The following BCAR1 variants were observed in gnomAD, a reference collection of about 807,000 sequenced individuals.
BCAR1 encodes BCAR1 scaffold protein, Cas family member.
In BCAR1, 30 loss-of-function variants were observed where a neutral mutation model predicts 67.6. That is an observed-to-expected ratio of 0.44 (90% confidence interval 0.33 to 0.60). BCAR1 has a LOEUF of 0.60. Ranked by LOEUF, BCAR1 falls within the 20% of genes least tolerant of loss-of-function variation. The pLI is 0.02. For missense variants in BCAR1, 1,313 were observed against 1,222.3 expected (o/e 1.07, Z -1.11); for synonymous variants, 626 against 556.7 (o/e 1.12, Z -1.75).
At chr16:75,232,183 C>T (rs888359743) in intron 6 of BCAR1, among the ~76,000 whole-genome samples, 1 of 148,330 alleles carries the variant, frequency 6.7e-6, no homozygotes, top group Non-Finnish European at 1.5e-5. Flanking sequence ...TTTTTTGAGA[C>T]GGAATCTCAC....
In BCAR1 at chr16:75,235,161, C is replaced by G; in HGVS notation, c.1738G>C (p.Val580Leu). 1 of 1,608,740 alleles carries G rather than the reference C, an allele frequency of 6.2e-7. No individual in the cohort carries two copies. Among genetic ancestry groups the G allele is most frequent in the Non-Finnish European group, 8.5e-7 (1 of 1,179,870 alleles). ...TCGGGCACAGCCCGCGAGCAGGCCA[C>G]CAGCCGGTCCAGGTCCTCAAGGGTG... ...GATLEDLDRL[V>L]ACSRAVPEDA... The change falls in exon 5 of 7, where the codon GTG (valine) becomes CTG (leucine). Residue 580 changes from valine (V) to leucine (L), a missense_variant. Coordinates refer to ENST00000162330, the MANE Select transcript of BCAR1 (RefSeq NM_014567.5).
At chr16:75,265,635 G>A (rs2077991898) in intron 1 of BCAR1, among the ~76,000 whole-genome samples, 1 of 152,036 alleles carries the variant, frequency 6.6e-6, no homozygotes, top group South Asian at 2.1e-4. Flanking sequence ...AGGATGGAAA[G>A]GCGGGGGCAG....
At chr16:75,264,264 A>T in intron 1 of BCAR1, 1 of 1,366,380 alleles carries the variant, frequency 7.3e-7, no homozygotes, top group Non-Finnish European at 9.5e-7. Flanking sequence ...AACCAAACCA[A>T]ATCAAACGGG....
At chr16:75,266,891 T>A in intron 1 of BCAR1, 1 of 861,230 alleles carries the variant, frequency 1.2e-6, no homozygotes, top group Non-Finnish European at 1.6e-6. Context: ...CAGCCCGGGC[T>A]CATGGCGGGG....
At chr16:75,239,892 C>A (rs778074383) in intron 2 of BCAR1, among the ~76,000 whole-genome samples, 1 of 152,198 alleles carries the variant, frequency 6.6e-6, no homozygotes, top group Admixed American at 6.5e-5. Context: ...ACCACGTGCA[C>A]GCCTGACCTC....
At chr16:75,238,497 G>A in intron 2 of BCAR1, 1 of 997,652 alleles carries the variant, frequency 1.0e-6, no homozygotes, top group Non-Finnish European at 1.2e-6. Flanking sequence ...ATGCAGGCAG[G>A]CAGCCAGCCC....
intron 1 of BCAR1, chr16:75,263,104 C>T: frequency 1.4e-6 from 1 of 721,930 alleles, no homozygotes; most frequent in Non-Finnish European, 1.7e-6. Flanking sequence ...GCCCAGCACA[C>T]AGGGCGGCAT....
intron 6 of BCAR1, among the ~76,000 whole-genome samples, chr16:75,231,407 T>G (rs889249750): frequency 6.6e-6 from 1 of 152,192 alleles, no homozygotes; most frequent in African/African-American, 2.4e-5. Context: ...TGACAACTCT[T>G]CATAGTTATA....
In BCAR1 at chr16:75,267,845, C is replaced by T. The variant is rs978725451; in HGVS notation, c.66+70G>A. 11 of 1,512,958 alleles carry T rather than the reference C, an allele frequency of 7.3e-6. No individual in the cohort carries two copies. The African/African-American group carries it at 1.1e-4, about 15-fold the overall frequency. The allele number at this position is 1,512,958 out of a possible 1,614,324, so 93.7% of individuals were successfully genotyped here. On this transcript the variant is annotated intron_variant, in intron 1 of 6. Transcript: ENST00000393422. Reference sequence around the variant, plus strand: ...CTGCCTCTTACCGCCCCAGGGGCTGCTTATTTAGGGCATCAGTAACTCAGC... The same window carrying T: ...CTGCCTCTTACCGCCCCAGGGGCTGTTTATTTAGGGCATCAGTAACTCAGC...
chr16:75,261,227 C>G (rs1023279975), intron 1 of BCAR1, among the ~76,000 whole-genome samples: 4 of 152,234 alleles, frequency 2.6e-5, no homozygotes, highest in African/African-American at 9.6e-5. Flanking sequence ...AACAATGGGG[C>G]TTGACCTGGA....
intron 1 of BCAR1, chr16:75,243,500 A>C (rs1226514346): frequency 1.9e-6 from 1 of 527,242 alleles, no homozygotes; most frequent in African/African-American, 1.9e-5. Context: ...GCACGAAAAT[A>C]ATCTGACAAA....
Position 75,228,740 on chromosome 16 carries a change from G to A in BCAR1, c.*771C>T, listed in dbSNP as rs77276355. 17,236 of 152,334 alleles carry A rather than the reference G, an allele frequency of 0.11. 1,259 individuals carry two copies. The highest frequency in any genetic ancestry group is 0.17 in the Middle Eastern group (50 of 294). The allele number at this position is 152,334 out of a possible 1,614,324, so 9.4% of individuals were successfully genotyped here. A position where few individuals can be genotyped will look rare whatever the true frequency, so the allele number is the denominator to read the frequency against. On this transcript the variant is annotated 3_prime_UTR_variant, in exon 7 of 7. Coordinates refer to ENST00000162330, the MANE Select transcript of BCAR1 (RefSeq NM_014567.5). ...CTCACTGTGGCAGCTCCCTAGGGTT[G>A]CAGGGGCCATGCCCAGGCTGTGCTT...
rs1041570690 is a variant in BCAR1, at chr16:75,238,409, G to A, written c.634-1065C>T. 6.6e-6 allele frequency: 7 copies of A among 1,062,300 alleles called. No homozygotes were observed. In the East Asian group the frequency reaches 4.3e-4, roughly 65 times the overall value. 65.8% of individuals were successfully genotyped at this position (1,062,300 alleles called of 1,614,324 possible). On this transcript the variant is annotated intron_variant, in intron 2 of 6. Coordinates refer to ENST00000162330, the MANE Select transcript of BCAR1 (RefSeq NM_014567.5). ...GACAGGGTTGACTCAGGGCCTCCCC[G>A]CACATCCCCCAGGGCAGCAGCGCCA...
At position 75,235,741 on chromosome 16, in the gene BCAR1, C is replaced by G; in HGVS notation, c.1158G>C (p.Leu386=). The G allele has an allele frequency of 6.3e-7, 1 of 1,599,412 alleles. No individual in the cohort carries two copies. Among genetic ancestry groups the G allele is most frequent in the East Asian group, 2.2e-5 (1 of 44,730 alleles). ...GCACCCGTTCACGGGGCACATCGTA[C>G]AGGGTGCCCGGGCCAGGCCGCCGCA... The part of the protein sequence containing the change: ...PGLRRPGPGT[L]YDVPRERVLP... Residue 386 remains leucine (L), a synonymous_variant, in exon 5 of 7, where the codon CTG becomes CTC. Coordinates refer to ENST00000162330, the MANE Select transcript of BCAR1 (RefSeq NM_014567.5).
Position 75,235,345 on chromosome 16 carries a change from C to A in BCAR1, c.1554G>T (p.Leu518=). 1 of 1,601,802 alleles carries A rather than the reference C, an allele frequency of 6.2e-7. No homozygotes were observed. ...CCACCGCGCTGCGGGCAAACTCCAA[C>A]AGCTCGTGGACGGCACTCTGGACAG... ...VAAVQSAVHE[L]LEFARSAVGN... The change falls in exon 5 of 7, where the codon CTG becomes CTT. Residue 518 remains leucine, a synonymous_variant. Coordinates refer to ENST00000162330, the MANE Select transcript of BCAR1 (RefSeq NM_014567.5).
At chr16:75,230,367 G>A (rs962347770) in intron 6 of BCAR1, among the ~76,000 whole-genome samples, 13 of 152,132 alleles carry the variant, frequency 8.5e-5, no homozygotes, top group African/African-American at 3.1e-4. Flanking sequence ...ACGTGGCACT[G>A]GGGAAAATGG....
upstream of BCAR1, among the ~76,000 whole-genome samples, chr16:75,253,195 C>A (rs139631171): frequency 2.0e-5 from 3 of 152,140 alleles, no homozygotes; most frequent in East Asian, 1.9e-4. Context: ...AGAGCTGTGC[C>A]GGGCCCCTCC....
At chr16:75,236,048 G>A in intron 4 of BCAR1, 62 bp from the exon 5 acceptor site, 1 of 1,509,972 alleles carries the variant, frequency 6.6e-7, no homozygotes, top group East Asian at 2.5e-5. Flanking sequence ...AGGGACTGGG[G>A]GCAGCACCCA....
In BCAR1 at chr16:75,237,328, C is replaced by A. The variant is rs747374409; in HGVS notation, c.650G>T (p.Arg217Leu). The A allele has an allele frequency of 6.8e-7, 1 of 1,469,006 alleles. No homozygotes were observed. The highest frequency in any genetic ancestry group is 9.0e-7 in the Non-Finnish European group (1 of 1,112,078). The allele number at this position is 1,469,006 out of a possible 1,614,324, so 91.0% of individuals were successfully genotyped here. ...KPPAKVVVPT[R>L]VGQGYVYEAA... ...CTCGTATACATAGCCCTGCCCCACG[C>A]GGGTGGGCACCACCACCTGGGGGCA... Residue 217 changes from arginine to leucine, a missense_variant, in exon 3 of 7, where the codon CGC (arginine) becomes CTC (leucine). Physicochemically the swap from Arg to Leu is moderately radical, Grantham distance 102. Coordinates refer to ENST00000162330, the MANE Select transcript of BCAR1 (RefSeq NM_014567.5).
Sources: gnomAD v4.1 joint callset for allele counts (sites outside exome capture counted in the v4.1 genomes callset) on GRCh38, gnomAD v4.1.1 for gene constraint, MANE v1.5 for transcripts, NCBI Gene and HGNC (gene_info 2026-07-23, HGNC 2026-07-21) for gene names.